BABAM2: variants seen among roughly 807,000 people sequenced by gnomAD.
The protein encoded by BABAM2 is BRISC and BRCA1 A complex member 2.
Under a neutral mutation model 54.7 loss-of-function variants are expected in BABAM2, and 31 were observed. The ratio of observed to expected loss-of-function variants is 0.57; its 90% CI spans 0.43 to 0.77. The LOEUF (loss-of-function observed/expected upper bound fraction) is 0.77. BABAM2 is among the 30% of genes least tolerant of loss of function. The pLI is 0.00. For synonymous variants in BABAM2, 167 were observed against 162.9 expected (o/e 1.03, Z -0.19); for missense variants, 364 against 455.8 (o/e 0.80, Z 1.83).
intron 5 of BABAM2, among the ~76,000 whole-genome samples, chr2:28,035,464 G>A (rs1009659812): frequency 6.6e-6 from 1 of 152,102 alleles, no homozygotes; most frequent in Non-Finnish European, 1.5e-5. Flanking sequence ...CTGCTTGGGA[G>A]TTATGTCCTG....
At chr2:28,324,797 C>A (rs1403821601) in intron 11 of BABAM2, among the ~76,000 whole-genome samples, 2 of 152,050 alleles carry the variant, frequency 1.3e-5, no homozygotes, top group East Asian at 3.9e-4. Context: ...CAGAGAGAGA[C>A]CTTGTCTCAA....
chr2:28,039,591 G>C (rs897356104), intron 5 of BABAM2, among the ~76,000 whole-genome samples: 2 of 152,292 alleles, frequency 1.3e-5, no homozygotes, highest in East Asian at 3.9e-4. Context: ...TCAGATAAAA[G>C]CTTGTTTGTT....
At chr2:27,892,784 A>G (rs759102504) in intron 1 of BABAM2, among the ~76,000 whole-genome samples, 1 of 152,208 alleles carries the variant, frequency 6.6e-6, no homozygotes, top group Non-Finnish European at 1.5e-5. Flanking sequence ...TTAGATGTTT[A>G]GTCTTACTTT....
At chr2:27,926,378 T>G (rs1667707430) in intron 2 of BABAM2, among the ~76,000 whole-genome samples, 1 of 152,154 alleles carries the variant, frequency 6.6e-6, no homozygotes, top group Admixed American at 6.5e-5. Flanking sequence ...CAAGATTTCT[T>G]CCCCAGATGT....
At chr2:28,298,222 A>G (rs1687846664) in intron 10 of BABAM2, 116 bp from the exon 11 acceptor site, 1 of 1,069,738 alleles carries the variant, frequency 9.3e-7, no homozygotes, top group Admixed American at 2.2e-5. Context: ...CCAAACTGCA[A>G]GCAGTATTTG....
intron 2 of BABAM2, among the ~76,000 whole-genome samples, chr2:27,923,355 C>T (rs972787206): frequency 2.0e-5 from 3 of 152,172 alleles, no homozygotes; most frequent in Non-Finnish European, 4.4e-5. Flanking sequence ...AACCGTGGCT[C>T]ATGCCTATAA....
rs1690388342 is a variant in BABAM2, at chr2:28,325,714, C to T, written c.1089-12736C>T. On this transcript the variant is annotated intron_variant, in intron 11 of 11. Coordinates refer to ENST00000379624, the MANE Select transcript of BABAM2 (RefSeq NM_199191.3). This position sits in a 1 kb window ranked among gnomAD's most constrained non-coding sequence, Gnocchi z 4.3. ...CCATGGCCATCTTGCTGCCCCTCCC[C>T]CACATCCTCAAACACCCAGCCAGGG... Among the ~76,000 whole-genome samples the T allele has an allele frequency of 6.6e-6, 1 of 152,188 alleles. No individual in the cohort carries two copies. The highest frequency in any genetic ancestry group is 1.5e-5 in the Non-Finnish European group (1 of 68,030).
intron 2 of BABAM2, among the ~76,000 whole-genome samples, chr2:27,911,256 A>G (rs145181675): frequency 5.8e-4 from 89 of 152,332 alleles, no homozygotes; most frequent in African/African-American, 2.1e-3. Context: ...CATTTTGAAT[A>G]GTGCCATTGT....
intron 6 of BABAM2, among the ~76,000 whole-genome samples, chr2:28,089,147 G>A (rs1407143334): frequency 2.0e-5 from 3 of 152,060 alleles, no homozygotes; most frequent in Non-Finnish European, 4.4e-5. Context: ...CTGTGATTCA[G>A]TGAGGAAAGA....
chr2:28,165,526 T>C (rs1475269850), intron 7 of BABAM2, among the ~76,000 whole-genome samples: 5 of 135,790 alleles, frequency 3.7e-5, no homozygotes, highest in Non-Finnish European at 7.8e-5. Flanking sequence ...TTTTTTTTCC[T>C]TGCTTTTTTT....
chr2:28,105,779 G>T (rs1667471215), intron 6 of BABAM2, among the ~76,000 whole-genome samples: 2 of 152,118 alleles, frequency 1.3e-5, no homozygotes, highest in Admixed American at 1.3e-4. Flanking sequence ...ATTATTCCAG[G>T]TAGACTTCTT....
chr2:28,295,005 T>C (rs1215085841), intron 10 of BABAM2, among the ~76,000 whole-genome samples: 1 of 152,208 alleles, frequency 6.6e-6, no homozygotes, highest in Non-Finnish European at 1.5e-5. Context: ...GATATCAACA[T>C]TACCTTGCTG....
At chr2:28,120,756 G>A (rs1264066344) in intron 6 of BABAM2, among the ~76,000 whole-genome samples, 2 of 152,192 alleles carry the variant, frequency 1.3e-5, no homozygotes, top group Non-Finnish European at 2.9e-5. Flanking sequence ...ACAGCATGGG[G>A]AATTCATGAA....
chr2:27,936,756 C>T (rs1668513523), intron 3 of BABAM2, among the ~76,000 whole-genome samples: 1 of 151,482 alleles, frequency 6.6e-6, no homozygotes, highest in Admixed American at 6.6e-5. Flanking sequence ...AATGAGAACA[C>T]ATGGACACAG....
intron 2 of BABAM2, among the ~76,000 whole-genome samples, chr2:27,925,072 A>T (rs970821972): frequency 6.6e-6 from 1 of 152,120 alleles, no homozygotes; most frequent in Non-Finnish European, 1.5e-5. Flanking sequence ...CTAACTGGAG[A>T]TTATAATTTT....
chr2:28,009,377 A>T (rs977157659), intron 4 of BABAM2, among the ~76,000 whole-genome samples: 3 of 152,132 alleles, frequency 2.0e-5, no homozygotes, highest in Non-Finnish European at 4.4e-5. Context: ...GTTAATGAAG[A>T]TTGCATATTG....
At chr2:28,040,376 C>G (rs1413709135) in intron 5 of BABAM2, among the ~76,000 whole-genome samples, 2 of 135,156 alleles carry the variant, frequency 1.5e-5, no homozygotes, top group African/African-American at 5.5e-5. Flanking sequence ...TCTCGGCTCA[C>G]TGCAAGCTCC....
At chr2:28,087,140 G>T (rs1665719257) in intron 6 of BABAM2, among the ~76,000 whole-genome samples, 1 of 152,194 alleles carries the variant, frequency 6.6e-6, no homozygotes, top group Admixed American at 6.5e-5. Flanking sequence ...TTCTGGAGGA[G>T]TTTTCAATTT....
chr2:28,040,996 G>A (rs1005605238), intron 5 of BABAM2, among the ~76,000 whole-genome samples: 1 of 152,164 alleles, frequency 6.6e-6, no homozygotes, highest in Non-Finnish European at 1.5e-5. Flanking sequence ...ATAGCTGGTA[G>A]AATAAAAATA....
Sources: gnomAD v4.1 joint callset for allele counts (sites outside exome capture counted in the v4.1 genomes callset) on GRCh38, gnomAD v4.1.1 for gene constraint, Gnocchi (gnomAD v3.1) non-coding constraint, MANE v1.5 for transcripts, NCBI Gene and HGNC (gene_info 2026-07-23, HGNC 2026-07-21) for gene names.